ZDHHC14: variants seen among roughly 807,000 people sequenced by gnomAD.
ZDHHC14 encodes zDHHC palmitoyltransferase 14, also known as palmitoyltransferase ZDHHC14.
In ZDHHC14, 16 loss-of-function variants were observed where a neutral mutation model predicts 47.7. The observed-to-expected ratio is 0.34, with a 90% CI of 0.23 to 0.51. The LOEUF is 0.51. Ranked by LOEUF, ZDHHC14 falls within the 20% of genes least tolerant of loss-of-function variation. The pLI, the probability that ZDHHC14 is intolerant of heterozygous loss-of-function variation, is 0.97. For missense variants in ZDHHC14, 515 were observed against 662.5 expected (o/e 0.78, Z 2.44); for synonymous variants, 293 against 278.9 (o/e 1.05, Z -0.50).
At chr6:157,397,130 T>C (rs149187205) in intron 1 of ZDHHC14, among the ~76,000 whole-genome samples, 263 of 152,352 alleles carry the variant, frequency 1.7e-3, no homozygotes, top group African/African-American at 6.0e-3. Context: ...CCATAGCTGG[T>C]ATTGTCAAGA....
chr6:157,535,580 G>A lies in ZDHHC14; in HGVS notation c.246-7005G>A, dbSNP rs151133776. On this transcript the variant is annotated intron_variant, in intron 1 of 8. Transcript: ENST00000359775. ...AGCTTGCTTTGCTCATATTTTCCACGTTAGTCCCTGGGCTCATTGATTTAA... is the reference window on the plus strand; with the variant it reads ...AGCTTGCTTTGCTCATATTTTCCACATTAGTCCCTGGGCTCATTGATTTAA... Among the ~76,000 whole-genome samples the A allele has an allele frequency of 2.2e-4, 34 of 152,204 alleles. 1 individual carries two copies. The South Asian group carries it at 4.4e-3, about 20-fold the overall frequency.
intron 7 of ZDHHC14, among the ~76,000 whole-genome samples, chr6:157,649,501 G>T (rs1011690766): frequency 3.9e-5 from 6 of 152,256 alleles, no homozygotes; most frequent in Admixed American, 2.0e-4. Context: ...GTGCCACCTC[G>T]ACCCAGCCCC....
At chr6:157,420,734 G>C (rs1003778481) in intron 1 of ZDHHC14, among the ~76,000 whole-genome samples, 2 of 152,244 alleles carry the variant, frequency 1.3e-5, no homozygotes, top group African/African-American at 2.4e-5. Context: ...TTTCAGCCTA[G>C]TAGGAGCGAA....
chr6:157,645,712 C>A, intron 5 of ZDHHC14, 25 bp from the exon 6 acceptor site: 1 of 1,604,404 alleles, frequency 6.2e-7, no homozygotes, highest in Non-Finnish European at 8.5e-7. Context: ...CCCTCACTTC[C>A]GCTTGCCTCC....
intron 1 of ZDHHC14, among the ~76,000 whole-genome samples, chr6:157,527,977 C>A (rs547577189): frequency 6.6e-6 from 1 of 152,154 alleles, no homozygotes; most frequent in Non-Finnish European, 1.5e-5. Context: ...TGGCAAAATT[C>A]AAGAAAGGTG....
At chr6:157,453,788 T>G (rs376427632) in intron 1 of ZDHHC14, among the ~76,000 whole-genome samples, 1 of 148,098 alleles carries the variant, frequency 6.8e-6, no homozygotes, top group Non-Finnish European at 1.5e-5. Flanking sequence ...TTTTTGTGTT[T>G]TGTGTGTGTG....
intron 1 of ZDHHC14, among the ~76,000 whole-genome samples, chr6:157,415,047 A>T (rs1289823166): frequency 6.6e-6 from 1 of 152,110 alleles, no homozygotes; most frequent in East Asian, 1.9e-4. Flanking sequence ...TAGCGAGGAC[A>T]GTGGGGGGAT....
intron 1 of ZDHHC14, among the ~76,000 whole-genome samples, chr6:157,531,752 TCTC>T (rs1781377450): frequency 6.6e-6 from 1 of 152,150 alleles, no homozygotes; most frequent in African/African-American, 2.4e-5. Context: ...GACTCAGTCA[TCTC>T]CTGCATCCAC....
chr6:157,644,332 C>A (rs1349010940), intron 5 of ZDHHC14, among the ~76,000 whole-genome samples: 1 of 152,232 alleles, frequency 6.6e-6, no homozygotes, highest in Non-Finnish European at 1.5e-5. Context: ...GGGCCACCAT[C>A]CATGTGTCCC....
At chr6:157,548,075 G>T (rs1294232951) in intron 2 of ZDHHC14, among the ~76,000 whole-genome samples, 1 of 150,520 alleles carries the variant, frequency 6.6e-6, no homozygotes. Context: ...TATACTAGTT[G>T]TCCATACTGT....
At chr6:157,438,955 A>G (rs893741055) in intron 1 of ZDHHC14, among the ~76,000 whole-genome samples, 2 of 152,160 alleles carry the variant, frequency 1.3e-5, no homozygotes, top group African/African-American at 4.8e-5. Flanking sequence ...ATTCATCTAG[A>G]ATTGAGCATT....
intron 2 of ZDHHC14, among the ~76,000 whole-genome samples, chr6:157,562,205 A>G (rs530068237): frequency 6.6e-6 from 1 of 152,250 alleles, no homozygotes; most frequent in South Asian, 2.1e-4. Context: ...AACCATGAGA[A>G]GAGAGAGGAA....
intron 1 of ZDHHC14, among the ~76,000 whole-genome samples, chr6:157,512,627 G>A (rs1213019281): frequency 6.6e-6 from 1 of 152,142 alleles, no homozygotes; most frequent in Non-Finnish European, 1.5e-5. Flanking sequence ...AGGATAGCTT[G>A]AGCCCAGGAG....
chr6:157,473,207 A>C (rs985387623), intron 1 of ZDHHC14, among the ~76,000 whole-genome samples: 2 of 152,220 alleles, frequency 1.3e-5, no homozygotes, highest in African/African-American at 4.8e-5. Context: ...ATTTTTAAGA[A>C]TACAGTATAT....
rs1318440128 is a variant in ZDHHC14, at chr6:157,381,901, A to T, written c.-121A>T. On this transcript the variant is annotated 5_prime_UTR_variant, in exon 1 of 9. An upstream open reading frame in the 5' UTR loses its in-frame stop. Coordinates refer to ENST00000359775, the MANE Select transcript of ZDHHC14 (RefSeq NM_024630.3). ...TTGTCGCCGAGCCGGGAGCCCGTGT[A>T]GGGGCCGCGGCGCCGCGGCTCGGGG... is the stretch of plus-strand genomic sequence containing the variant. The T allele has an allele frequency of 3.6e-6, 3 of 828,880 alleles. No homozygotes were observed. Among genetic ancestry groups the T allele is most frequent in the Non-Finnish European group, 4.3e-6 (3 of 697,196 alleles). The allele number at this position is 828,880 out of a possible 1,614,324, so 51.3% of individuals were successfully genotyped here. A position where few individuals can be genotyped will look rare whatever the true frequency, so the allele number is the denominator to read the frequency against.
intron 2 of ZDHHC14, among the ~76,000 whole-genome samples, chr6:157,559,497 T>C (rs1782623297): frequency 6.6e-6 from 1 of 152,202 alleles, no homozygotes; most frequent in African/African-American, 2.4e-5. Context: ...CCTGCATGAG[T>C]GGAAAGAATC....
intron 3 of ZDHHC14, among the ~76,000 whole-genome samples, chr6:157,626,896 G>C (rs183600915): frequency 2.0e-5 from 3 of 149,880 alleles, no homozygotes; most frequent in East Asian, 4.1e-4. Context: ...CAGCTGGGGG[G>C]GGGGCGGCGG....
intron 1 of ZDHHC14, among the ~76,000 whole-genome samples, chr6:157,484,308 T>C (rs1179264900): frequency 2.6e-5 from 3 of 115,252 alleles, no homozygotes; most frequent in African/African-American, 8.9e-5. Context: ...TATATATACA[T>C]ATATATACAC....
chr6:157,577,332 C>T (rs1285861436), intron 2 of ZDHHC14, among the ~76,000 whole-genome samples: 1 of 152,178 alleles, frequency 6.6e-6, no homozygotes, highest in African/African-American at 2.4e-5. Context: ...CATACATGTG[C>T]ATGTGTCCTT....
Sources: allele counts gnomAD v4.1 joint callset (sites outside exome capture counted in the v4.1 genomes callset), GRCh38; gene constraint gnomAD v4.1.1; transcripts MANE v1.5; gene names NCBI Gene and HGNC (gene_info 2026-07-23, HGNC 2026-07-21).